The following TMEM255B variants were observed in gnomAD, a reference collection of about 807,000 sequenced individuals.
TMEM255B encodes transmembrane protein 255B.
Under a neutral mutation model 34.5 loss-of-function variants are expected in TMEM255B, and 35 were observed. That is an observed-to-expected ratio of 1.01 (90% CI 0.77 to 1.34). TMEM255B has a LOEUF of 1.34. TMEM255B is among the 40% of genes most tolerant of loss of function. The probability of loss-of-function intolerance (pLI) is 0.00; values close to 1 mark genes in which losing one functional copy is unlikely to be tolerated. For missense variants in TMEM255B, 432 were observed against 433.2 expected (o/e 1.00, Z 0.02); for synonymous variants, 206 against 201.2 (o/e 1.02, Z -0.20).
chr13:113,766,831 A>G (rs948555537), intron 2 of TMEM255B, among the ~76,000 whole-genome samples: 2 of 152,242 alleles, frequency 1.3e-5, no homozygotes, highest in Non-Finnish European at 2.9e-5. Flanking sequence ...CCGTCAGGCC[A>G]GATTTTGAAC....
intron 3 of TMEM255B, among the ~76,000 whole-genome samples, chr13:113,786,712 C>T (rs1372476683): frequency 6.6e-6 from 1 of 152,230 alleles, no homozygotes; most frequent in Non-Finnish European, 1.5e-5. Flanking sequence ...TCACTAGCAG[C>T]AGCTGCTTCC....
chr13:113,801,898 G>T (rs2051073024), intron 7 of TMEM255B, 86 bp downstream of exon 7: 1 of 1,416,834 alleles, frequency 7.1e-7, no homozygotes, highest in Non-Finnish European at 9.4e-7. Flanking sequence ...GGGGCCTCCA[G>T]CCCTCACTTT....
chr13:113,772,414 T>G (rs2050493132), intron 3 of TMEM255B, among the ~76,000 whole-genome samples: 1 of 152,242 alleles, frequency 6.6e-6, no homozygotes, highest in Non-Finnish European at 1.5e-5. Flanking sequence ...TTTACAAATC[T>G]AAGGACATGA....
At chr13:113,781,304 A>G (rs2050662977) in intron 3 of TMEM255B, among the ~76,000 whole-genome samples, 1 of 152,244 alleles carries the variant, frequency 6.6e-6, no homozygotes, top group African/African-American at 2.4e-5. Flanking sequence ...ATGTTTACAA[A>G]TAGAATTTCC....
chr13:113,761,131 T>C (rs2050301536), intron 1 of TMEM255B: 1 of 949,982 alleles, frequency 1.1e-6, no homozygotes, highest in Non-Finnish European at 1.3e-6. Context: ...GGATTGTTAC[T>C]TGGACACCAT....
chr13:113,759,488 C>T (rs1045101401), intron 1 of TMEM255B, among the ~76,000 whole-genome samples, 173 bp downstream of exon 1: 1 of 152,256 alleles, frequency 6.6e-6, no homozygotes, highest in African/African-American at 2.4e-5. Flanking sequence ...GCATTTCGCA[C>T]TGGGGTCGGG....
chr13:113,776,422 T>C (rs2050578737), intron 3 of TMEM255B, among the ~76,000 whole-genome samples: 1 of 152,156 alleles, frequency 6.6e-6, no homozygotes, highest in Non-Finnish European at 1.5e-5. Flanking sequence ...GCACCTCTCT[T>C]CTGCGGGCGG....
chr13:113,771,464 G>A (rs959604509), intron 3 of TMEM255B, among the ~76,000 whole-genome samples: 3 of 152,262 alleles, frequency 2.0e-5, no homozygotes, highest in Non-Finnish European at 2.9e-5. Flanking sequence ...GGCGGATCAC[G>A]AGTTCAGGAG....
chr13:113,800,120 C>A, intron 5 of TMEM255B: 1 of 1,109,684 alleles, frequency 9.0e-7, no homozygotes. Context: ...AGGAGGCGTC[C>A]CGTGTGTGTT....
chr13:113,762,738 G>A (rs2050328765), intron 1 of TMEM255B, among the ~76,000 whole-genome samples: 2 of 152,332 alleles, frequency 1.3e-5, no homozygotes, highest in Non-Finnish European at 2.9e-5. Context: ...TTAAGAACCA[G>A]AATCCAGTCA....
chr13:113,791,854 C>T (rs1458456714), intron 3 of TMEM255B, among the ~76,000 whole-genome samples: 1 of 152,238 alleles, frequency 6.6e-6, no homozygotes, highest in Non-Finnish European at 1.5e-5. Flanking sequence ...CACGGCCCCT[C>T]TGCGTGCTTG....
At chr13:113,796,920 C>G (rs568812294) in intron 4 of TMEM255B, among the ~76,000 whole-genome samples, 1 of 151,886 alleles carries the variant, frequency 6.6e-6, no homozygotes, top group South Asian at 2.1e-4. Context: ...CGTGCGCACG[C>G]ATGCACACAC....
rs750281133 is a variant in TMEM255B at position 113,811,872 on chromosome 13, C to CGG, written c.954_955dup (p.Glu319GlyfsTer15). On this transcript the variant is annotated frameshift_variant, in exon 9 of 9. Coordinates refer to ENST00000375353, the MANE Select transcript of TMEM255B (RefSeq NM_182614.4). LOFTEE classifies it high-confidence loss of function. ...TGCTACGCACCCACCTACTTTCCCC[C>CGG]GGGGGAGAAGCCACCCCCCTACGCA... The CGG allele has an allele frequency of 1.2e-6, 2 of 1,613,374 alleles. No individual in the cohort carries two copies. The highest frequency in any genetic ancestry group is 3.3e-5 in the Admixed American group (2 of 59,972).
chr13:113,779,580 C>T (rs2050636012), intron 3 of TMEM255B, among the ~76,000 whole-genome samples: 1 of 151,476 alleles, frequency 6.6e-6, no homozygotes, highest in Non-Finnish European at 1.5e-5. Context: ...TCTGCTGATA[C>T]ATCTAGGAGT....
rs901116851 is a variant in TMEM255B at position 113,798,057 on chromosome 13, G to T, written c.343-1282G>T. Reference sequence around the variant, plus strand: ...GATAGTTGGATAGGGCCACAAATGGGTGTATGGCTGAATGGTTGGATGGAT... The same window carrying T: ...GATAGTTGGATAGGGCCACAAATGGTTGTATGGCTGAATGGTTGGATGGAT... On this transcript the variant is annotated intron_variant, in intron 4 of 8. Transcript: ENST00000375353. Among the ~76,000 whole-genome samples the T allele has an allele frequency of 2.0e-5, 3 of 152,218 alleles. No homozygotes were observed. The South Asian group carries it at 6.2e-4, about 32-fold the overall frequency.
At chr13:113,765,543 A>G (rs562846043) in intron 1 of TMEM255B, among the ~76,000 whole-genome samples, 23 of 151,632 alleles carry the variant, frequency 1.5e-4, no homozygotes, top group Non-Finnish European at 3.0e-4. Context: ...AGACCTTACC[A>G]TGGTTTTTTA....
At chr13:113,766,006 T>G in intron 1 of TMEM255B, 109 bp from the exon 2 acceptor site, 1 of 1,442,078 alleles carries the variant, frequency 6.9e-7, no homozygotes, top group Non-Finnish European at 9.4e-7. Flanking sequence ...CAGGCGGGGA[T>G]AGTGCATCCC....
rs1265492748 is a variant in TMEM255B, at chr13:113,770,278, G to C, written c.252+1118G>C. Among the ~76,000 whole-genome samples, 1 of 152,160 alleles carries C rather than the reference G, an allele frequency of 6.6e-6. No homozygotes were observed. The highest frequency in any genetic ancestry group is 1.5e-5 in the Non-Finnish European group (1 of 68,038). The stretch of plus-strand genomic sequence containing the variant: ...CCCCTTGTAATAACCATCAGATCTT[G>C]TGAGACTTACTCACTATCATGAGAA... On this transcript the variant is annotated intron_variant, in intron 3 of 8. Transcript: ENST00000375353. The surrounding 1 kb of genome is among the most constrained non-coding windows in gnomAD (Gnocchi z 4.6).
Position 113,795,380 on chromosome 13 carries a change from T to A in TMEM255B, c.342+143T>A. On this transcript the variant is annotated intron_variant, in intron 4 of 8. Coordinates refer to ENST00000375353, the MANE Select transcript of TMEM255B (RefSeq NM_182614.4). ...GCTGGGGGTTGCCAGTGACTGTCTC[T>A]CCTCTCAGTAAGTCTCATTTCCTAC... 5 of 815,176 alleles carry A rather than the reference T, an allele frequency of 6.1e-6. No homozygotes were observed. In the East Asian group the frequency reaches 1.4e-4, roughly 23 times the overall value. The allele number at this position is 815,176 out of a possible 1,614,324, so 50.5% of individuals were successfully genotyped here.
Sources: gnomAD v4.1 joint callset for allele counts (sites outside exome capture counted in the v4.1 genomes callset) on GRCh38, gnomAD v4.1.1 for gene constraint, Gnocchi (gnomAD v3.1) non-coding constraint, MANE v1.5 for transcripts, NCBI Gene and HGNC (gene_info 2026-07-23, HGNC 2026-07-21) for gene names.